DCAF8L2: variants seen among roughly 807,000 people sequenced by gnomAD.
DCAF8L2 encodes DDB1 and CUL4 associated factor 8 like 2, also known as DDB1- and CUL4-associated factor 8-like protein 2.
For missense variants in DCAF8L2, 430 were observed against 490.7 expected, an observed-to-expected ratio of 0.88 and a Z score of 1.17; for synonymous variants, 200 against 190.9, an observed-to-expected ratio of 1.05 and a Z score of -0.39.
At chrX:27,493,410 T>C in the DCAF8L2 span, among the ~76,000 whole-genome samples, 1 of 111,050 alleles carries the variant, frequency 9.0e-6, no homozygotes, top group Non-Finnish European at 1.9e-5. Context: ...TGTTATTGCA[T>C]AGAGAACCCT....
chrX:27,657,890 T>G (rs1482336819), intron 2 of DCAF8L2, among the ~76,000 whole-genome samples: 1 of 112,321 alleles, frequency 8.9e-6, no homozygotes, highest in Non-Finnish European at 1.9e-5. Flanking sequence ...TGTAGTTTTG[T>G]AACATCAAAT....
At chrX:27,658,477 C>T (rs1305477283) in intron 2 of DCAF8L2, among the ~76,000 whole-genome samples, 4 of 111,554 alleles carry the variant, frequency 3.6e-5, no homozygotes, top group African/African-American at 1.3e-4. Context: ...ATGTATAAGC[C>T]TTTTCTTAGA....
At chrX:27,630,043 A>G (rs1359127942) in intron 1 of DCAF8L2, among the ~76,000 whole-genome samples, 1 of 111,500 alleles carries the variant, frequency 9.0e-6, no homozygotes, top group Admixed American at 9.6e-5. Flanking sequence ...TTTACTCCTA[A>G]GTATTTTATT....
At chrX:27,679,842 G>T (rs1190640573) in intron 3 of DCAF8L2, among the ~76,000 whole-genome samples, 1 of 111,553 alleles carries the variant, frequency 9.0e-6, no homozygotes, top group African/African-American at 3.3e-5. Context: ...AGCTAGAGTG[G>T]CTTTCTTTGC....
intron 4 of DCAF8L2, among the ~76,000 whole-genome samples, chrX:27,730,938 C>A (rs1001281378): frequency 2.7e-5 from 3 of 111,150 alleles, no homozygotes; most frequent in African/African-American, 9.8e-5. Flanking sequence ...GTATCACAGG[C>A]CTTTAATATC....
At chrX:27,558,397 A>T in the DCAF8L2 span, among the ~76,000 whole-genome samples, 2 of 111,059 alleles carry the variant, frequency 1.8e-5, no homozygotes, top group Non-Finnish European at 3.8e-5. Flanking sequence ...GGGAAAAAAG[A>T]TGTCTAACCA....
At chrX:27,630,022 C>A (rs1928219757) in intron 1 of DCAF8L2, among the ~76,000 whole-genome samples, 1 of 111,529 alleles carries the variant, frequency 9.0e-6, no homozygotes, top group Non-Finnish European at 1.9e-5. Context: ...TCTTTCACCT[C>A]CTCGGTTAAG....
chrX:27,724,888 C>T (rs552444689), intron 4 of DCAF8L2, among the ~76,000 whole-genome samples: 3 of 110,427 alleles, frequency 2.7e-5, no homozygotes, highest in African/African-American at 9.8e-5. Flanking sequence ...ATATTTTAGC[C>T]AAGAAGAACT....
chrX:27,677,976 G>T (rs1930197658), intron 3 of DCAF8L2, 64 bp downstream of exon 3: 1 of 111,371 alleles, frequency 9.0e-6, no homozygotes, highest in African/African-American at 3.3e-5. Flanking sequence ...ACCATAATGA[G>T]ATTTATTTCT....
chrX:27,697,317 C>CA (rs1930961606), intron 3 of DCAF8L2, among the ~76,000 whole-genome samples: 2 of 111,725 alleles, frequency 1.8e-5, no homozygotes, highest in African/African-American at 6.5e-5. Flanking sequence ...ATAATCCTCT[C>CA]ACTCAAACCA....
At chrX:27,614,322 G>A (rs1927347809) in intron 1 of DCAF8L2, among the ~76,000 whole-genome samples, 1 of 110,494 alleles carries the variant, frequency 9.1e-6, no homozygotes, top group African/African-American at 3.3e-5. Context: ...TTTTTATTGT[G>A]TCTATTTGAT....
intron 1 of DCAF8L2, among the ~76,000 whole-genome samples, chrX:27,628,218 A>G (rs1345496584): frequency 9.0e-6 from 1 of 111,554 alleles, no homozygotes; most frequent in Non-Finnish European, 1.9e-5. Context: ...TTCACTTAGC[A>G]TATTGTCCTT....
the DCAF8L2 span, among the ~76,000 whole-genome samples, chrX:27,577,248 T>C: frequency 8.9e-6 from 1 of 111,917 alleles, no homozygotes; most frequent in African/African-American, 3.2e-5. Context: ...GTGAGGGAGT[T>C]AGTTGGATGA....
chrX:27,507,724 G>T, the DCAF8L2 span, among the ~76,000 whole-genome samples: 1 of 110,990 alleles, frequency 9.0e-6, no homozygotes, highest in African/African-American at 3.3e-5. Context: ...TGATTATATT[G>T]ACACAATGCT....
chrX:27,494,091 T>C, the DCAF8L2 span, among the ~76,000 whole-genome samples: 1 of 112,077 alleles, frequency 8.9e-6, no homozygotes. Context: ...GGTGGAATTT[T>C]GTCTCACTTC....
intron 1 of DCAF8L2, among the ~76,000 whole-genome samples, chrX:27,592,768 A>C (rs1234678469): frequency 9.3e-6 from 1 of 107,470 alleles, no homozygotes; most frequent in Non-Finnish European, 1.9e-5. Context: ...ATTGTGGTAA[A>C]ACACACACAT....
the DCAF8L2 span, among the ~76,000 whole-genome samples, chrX:27,546,081 G>C: frequency 1.7e-4 from 19 of 111,920 alleles, no homozygotes; most frequent in African/African-American, 5.8e-4. Flanking sequence ...AAAATCAAAA[G>C]GAAGTTAGTT....
intron 3 of DCAF8L2, among the ~76,000 whole-genome samples, chrX:27,683,087 A>G (rs1930381644): frequency 8.9e-6 from 1 of 111,970 alleles, no homozygotes; most frequent in Non-Finnish European, 1.9e-5. Context: ...CTGAACATTG[A>G]GTACTTCTAT....
intron 3 of DCAF8L2, among the ~76,000 whole-genome samples, chrX:27,707,340 A>C (rs1056888959): frequency 7.1e-5 from 8 of 111,928 alleles, no homozygotes; most frequent in Non-Finnish European, 1.5e-4. Context: ...TTAGGGATGA[A>C]GTTTCCTGAT....
Sources: gnomAD v4.1 joint callset for allele counts (sites outside exome capture counted in the v4.1 genomes callset) on GRCh38, gnomAD v4.1.1 for gene constraint, MANE v1.5 for transcripts, NCBI Gene and HGNC (gene_info 2026-07-23, HGNC 2026-07-21) for gene names.